Variants in CADPS2 observed in about 807,000 individuals in gnomAD.
The protein encoded by CADPS2 is calcium-dependent secretion activator 2.
In CADPS2, 93 loss-of-function variants were observed where a neutral mutation model predicts 172.5. The observed-to-expected ratio is 0.54, with a 90% confidence interval of 0.46 to 0.64. The LOEUF is 0.64. Among genes scored for constraint, CADPS2 ranks in the 30% least tolerant of loss-of-function variants. The pLI, the probability that CADPS2 is intolerant of heterozygous loss-of-function variation, is 0.00. For missense variants in CADPS2, 1,420 were observed against 1,565.9 expected, an observed-to-expected ratio of 0.91 and a Z score of 1.57; for synonymous variants, 546 against 555.2, an observed-to-expected ratio of 0.98 and a Z score of 0.23.
At chr7:122,816,725 T>C (rs1801532611) in intron 1 of CADPS2, among the ~76,000 whole-genome samples, 1 of 152,188 alleles carries the variant, frequency 6.6e-6, no homozygotes, top group African/African-American at 2.4e-5. Flanking sequence ...GTAAAAGTCA[T>C]TTTTGTCAGG....
At chr7:122,840,378 T>C (rs1274106225) in intron 1 of CADPS2, among the ~76,000 whole-genome samples, 2 of 151,864 alleles carry the variant, frequency 1.3e-5, no homozygotes, top group East Asian at 1.9e-4. Flanking sequence ...TGTATACATA[T>C]GTAACAAACC....
At chr7:122,624,935 G>C (rs192275281) in intron 4 of CADPS2, among the ~76,000 whole-genome samples, 153 of 152,314 alleles carry the variant, frequency 1.0e-3, no homozygotes, top group African/African-American at 3.3e-3. Flanking sequence ...CTAGAAGGAG[G>C]AACACAGAGT....
At chr7:122,577,998 C>T (rs993326920) in intron 7 of CADPS2, among the ~76,000 whole-genome samples, 2 of 151,608 alleles carry the variant, frequency 1.3e-5, no homozygotes, top group African/African-American at 2.4e-5. Context: ...ACTTTATCTA[C>T]AGATGTCAGA....
intron 16 of CADPS2, among the ~76,000 whole-genome samples, chr7:122,440,652 C>T (rs1228328018): frequency 1.3e-5 from 2 of 152,086 alleles, no homozygotes; most frequent in Admixed American, 6.6e-5. Context: ...TCTCTCTTTG[C>T]TTTTTAATAG....
chr7:122,351,022 T>C (rs1386030320), intron 27 of CADPS2, among the ~76,000 whole-genome samples: 1 of 151,638 alleles, frequency 6.6e-6, no homozygotes, highest in African/African-American at 2.4e-5. Flanking sequence ...GTCACAAATA[T>C]ATGCATTTTA....
chr7:122,588,758 T>C (rs1042191711), intron 6 of CADPS2, among the ~76,000 whole-genome samples: 5 of 151,908 alleles, frequency 3.3e-5, no homozygotes, highest in African/African-American at 1.2e-4. Context: ...AAACTGACTT[T>C]GGATTCACTC....
intron 2 of CADPS2, among the ~76,000 whole-genome samples, chr7:122,688,476 G>T (rs2083908881): frequency 1.3e-5 from 2 of 152,170 alleles, no homozygotes. Flanking sequence ...GCAAACAGCT[G>T]AAAGAAAACT....
At chr7:122,452,790 T>C (rs114127770) in intron 14 of CADPS2, among the ~76,000 whole-genome samples, 3,451 of 152,262 alleles carry the variant, frequency 0.023, 126 homozygotes, top group African/African-American at 0.079. Flanking sequence ...ATAAAATAGG[T>C]AGAAACAGGA....
At chr7:122,336,120 A>G (rs2035815554) in intron 28 of CADPS2, among the ~76,000 whole-genome samples, 1 of 152,178 alleles carries the variant, frequency 6.6e-6, no homozygotes, top group African/African-American at 2.4e-5. Flanking sequence ...AAATTATTTT[A>G]TATATAGTTT....
In CADPS2 at chr7:122,399,026, G is replaced by T. The variant is rs76536467; in HGVS notation, c.2747-5444C>A. On this transcript the variant is annotated intron_variant, in intron 20 of 29. Coordinates refer to ENST00000449022, the MANE Select transcript of CADPS2 (RefSeq NM_017954.11). Reference sequence around the variant, plus strand: ...GTAATATTAATGTATACATTAACTAGTATAATAACCCCTAAAACCACACCC... The same window carrying T: ...GTAATATTAATGTATACATTAACTATTATAATAACCCCTAAAACCACACCC... Among the ~76,000 whole-genome samples the T allele has an allele frequency of 3.9e-5, 6 of 152,084 alleles. No homozygotes were observed. The East Asian group carries it at 1.2e-3, about 29-fold the overall frequency.
At chr7:122,592,845 G>C (rs1275598311) in intron 6 of CADPS2, among the ~76,000 whole-genome samples, 1 of 151,024 alleles carries the variant, frequency 6.6e-6, no homozygotes, top group Admixed American at 6.6e-5. Flanking sequence ...CAGGGGGATG[G>C]GGGGAGGGGG....
rs1171802398 is a variant in CADPS2, at chr7:122,625,347, GC to G, written c.868-3631del. 2.6e-5 allele frequency among the ~76,000 whole-genome samples: 4 copies of G among 152,144 alleles called. No homozygotes were observed. The East Asian group carries it at 7.7e-4, about 29-fold the overall frequency. ...TTATAGGCATGAGCCACCGCATCTA[GC>G]CCAATTAATTTTGTTTGTCAGTCTG... is the stretch of plus-strand genomic sequence containing the variant. On this transcript the variant is annotated intron_variant, in intron 4 of 29. Transcript: ENST00000449022.
At chr7:122,446,522 T>G (rs2052230319) in intron 15 of CADPS2, among the ~76,000 whole-genome samples, 4 of 152,194 alleles carry the variant, frequency 2.6e-5, no homozygotes, top group Admixed American at 2.6e-4. Flanking sequence ...GAGTTGGTTT[T>G]CCACTCTGGG....
chr7:122,415,137 A>G (rs1374691654), intron 18 of CADPS2, among the ~76,000 whole-genome samples: 1 of 152,228 alleles, frequency 6.6e-6, no homozygotes, highest in African/African-American at 2.4e-5. Flanking sequence ...AACTTTAAAA[A>G]ATTATAAACA....
intron 1 of CADPS2, among the ~76,000 whole-genome samples, chr7:122,769,693 T>C (rs986323886): frequency 6.6e-5 from 10 of 152,198 alleles, no homozygotes; most frequent in Non-Finnish European, 1.2e-4. Flanking sequence ...GTGGATTAAA[T>C]ACCTTCACCT....
chr7:122,569,093 C>G lies in CADPS2; in HGVS notation c.1335+12086G>C, dbSNP rs185776760. ...TTAGGAAAAGAGGAAGTCAAATTGT[C>G]CCTGTTTGCAGACGACATGATTGTA... On this transcript the variant is annotated intron_variant, in intron 7 of 29. Transcript: ENST00000449022. 3.3e-5 allele frequency among the ~76,000 whole-genome samples: 5 copies of G among 152,252 alleles called. No individual in the cohort carries two copies. The East Asian group carries it at 9.7e-4, about 29-fold the overall frequency.
intron 2 of CADPS2, among the ~76,000 whole-genome samples, chr7:122,680,860 CAA>C (rs1219038125): frequency 6.6e-6 from 1 of 151,934 alleles, no homozygotes; most frequent in Non-Finnish European, 1.5e-5. Context: ...TTCACAATAG[CAA>C]AGACTTGGAA....
intron 2 of CADPS2, among the ~76,000 whole-genome samples, chr7:122,717,538 ATAACTAACTT>A (rs2089787305): frequency 6.6e-6 from 1 of 152,164 alleles, no homozygotes; most frequent in African/African-American, 2.4e-5. Context: ...TGAAAGAGTA[ATAACTAACTT>A]TCATAACTAG....
intron 17 of CADPS2, among the ~76,000 whole-genome samples, chr7:122,435,140 G>T (rs1425018550): frequency 2.0e-5 from 3 of 152,034 alleles, no homozygotes; most frequent in African/African-American, 7.2e-5. Flanking sequence ...TAGAAGCCCT[G>T]AGAAAAAGAG....
Sources: gnomAD v4.1 joint callset for allele counts (sites outside exome capture counted in the v4.1 genomes callset) on GRCh38, gnomAD v4.1.1 for gene constraint, MANE v1.5 for transcripts, NCBI Gene and HGNC (gene_info 2026-07-23, HGNC 2026-07-21) for gene names.